The following TOPAZ1 variants were observed in gnomAD, a reference collection of about 807,000 sequenced individuals.
The protein encoded by TOPAZ1 is testis and ovary specific TOPAZ 1.
TOPAZ1 carries 66 observed loss-of-function variants against 172.2 expected under a neutral mutation model. That is an observed-to-expected ratio of 0.38 (90% CI 0.31 to 0.47). TOPAZ1 has a LOEUF of 0.47. Among genes scored for constraint, TOPAZ1 ranks in the 20% least tolerant of loss-of-function variants. The probability of loss-of-function intolerance (pLI) is 0.99; values close to 1 mark genes in which losing one functional copy is unlikely to be tolerated. For synonymous variants in TOPAZ1, 681 were observed against 683.9 expected (o/e 1.00, Z 0.07); for missense variants, 1,822 against 1,972.4 (o/e 0.92, Z 1.44).
chr3:44,332,015 A>G lies in TOPAZ1; in HGVS notation c.*4A>G. 1 of 1,505,770 alleles carries G rather than the reference A, an allele frequency of 6.6e-7. No homozygotes were observed. Among genetic ancestry groups the G allele is most frequent in the Non-Finnish European group, 8.9e-7 (1 of 1,129,406 alleles). 93.3% of individuals were successfully genotyped at this position (1,505,770 alleles called of 1,614,324 possible). A position where few individuals can be genotyped will look rare whatever the true frequency, so the allele number is the denominator to read the frequency against. On this transcript the variant is annotated 3_prime_UTR_variant, in exon 20 of 20. Transcript: ENST00000309765. ...TTGGCTTTTCAGTAACCATTAGCTA[A>G]TAAAGTCTGCTTTTTTTTTTTTTTT...
In TOPAZ1 at chr3:44,268,363, A is replaced by ATTTTTTTTT. The variant is rs1293339613; in HGVS notation, c.3161-851_3161-850insTTTTTTTTT. Among the ~76,000 whole-genome samples the ATTTTTTTTT allele has an allele frequency of 4.4e-5, 4 of 91,758 alleles. 1 individual carries two copies. The highest frequency in any genetic ancestry group is 4.4e-5 in the Non-Finnish European group (2 of 45,472). The allele number at this position is 91,758 out of a possible 152,430, so 60.2% of individuals were successfully genotyped here. A position where few individuals can be genotyped will look rare whatever the true frequency, so the allele number is the denominator to read the frequency against. ...AAAGAGTGTAAGCTCTGTGGTGCCTATTCTTTTTTTTTTTTTTTTTTTTTT... is the reference window on the plus strand; with the variant it reads ...AAAGAGTGTAAGCTCTGTGGTGCCTATTTTTTTTTTTCTTTTTTTTTTTTTTTTTTTTTT... On this transcript the variant is annotated intron_variant, in intron 6 of 19. Transcript: ENST00000309765.
At chr3:44,313,236 G>T (rs558739995) in intron 16 of TOPAZ1, among the ~76,000 whole-genome samples, 1 of 152,116 alleles carries the variant, frequency 6.6e-6, no homozygotes, top group Non-Finnish European at 1.5e-5. Flanking sequence ...GTGTTAAAGG[G>T]TAAAGGCATT....
rs113846046 is a variant in TOPAZ1 at position 44,286,163 on chromosome 3, T to C, written c.3437-1226T>C. Among the ~76,000 whole-genome samples the C allele has an allele frequency of 2.6e-3, 394 of 152,042 alleles. 5 individuals are homozygous for C. Among genetic ancestry groups the C allele is most frequent in the African/African-American group, 9.2e-3 (381 of 41,512 alleles). On this transcript the variant is annotated intron_variant, in intron 9 of 19. Transcript: ENST00000309765. ...CTGGAAGGCAGAGGTTGCAGTGAGC[T>C]GAGATCATGCCACTGCACTCCAGCC...
intron 11 of TOPAZ1, among the ~76,000 whole-genome samples, chr3:44,289,219 C>G (rs1005178149): frequency 6.6e-6 from 1 of 152,090 alleles, no homozygotes; most frequent in African/African-American, 2.4e-5. Flanking sequence ...AAAGTCGTTG[C>G]AAGGTCAGTG....
chr3:44,335,698 T>G (rs1278523383), downstream of TOPAZ1, among the ~76,000 whole-genome samples: 1 of 152,166 alleles, frequency 6.6e-6, no homozygotes, highest in East Asian at 1.9e-4. Flanking sequence ...CTATTCCCTT[T>G]TGTTCATGTA....
At chr3:44,265,109 C>T (rs4515029) in intron 5 of TOPAZ1, among the ~76,000 whole-genome samples, 127,368 of 152,238 alleles carry the variant, frequency 0.84, 53,360 homozygotes, top group Middle Eastern at 0.93. Flanking sequence ...GTGAATTCTT[C>T]CTAGGTTTTC....
At chr3:44,263,864 A>C (rs1016323665) in intron 5 of TOPAZ1, among the ~76,000 whole-genome samples, 41 of 152,216 alleles carry the variant, frequency 2.7e-4, no homozygotes, top group African/African-American at 8.7e-4. Flanking sequence ...AGTAGTGTCC[A>C]AATTAAATTT....
chr3:44,251,650 CTTGG>C (rs1397896873), intron 2 of TOPAZ1, among the ~76,000 whole-genome samples: 1 of 152,178 alleles, frequency 6.6e-6, no homozygotes, highest in Non-Finnish European at 1.5e-5. Context: ...TAAAAAATTT[CTTGG>C]TTGGGACCCA....
In TOPAZ1 at chr3:44,243,850, G is replaced by T; in HGVS notation, c.1344G>T (p.Ser448=). The part of the protein sequence containing the change: ...ESMASKEDFK[S]MKSFIGKSPN... Reference sequence around the variant, plus strand: ...TGGCATCGAAAGAGGATTTTAAATCGATGAAAAGCTTCATAGGGAAATCAC... The same window carrying T: ...TGGCATCGAAAGAGGATTTTAAATCTATGAAAAGCTTCATAGGGAAATCAC... The change falls in exon 2 of 20, where the codon TCG becomes TCT. Residue 448 remains serine (S), a synonymous_variant. Transcript: ENST00000309765. The T allele has an allele frequency of 6.4e-7, 1 of 1,551,748 alleles. No homozygotes were observed. The highest frequency in any genetic ancestry group is 8.7e-7 in the Non-Finnish European group (1 of 1,146,978).
chr3:44,249,551 A>G (rs1241448804), intron 2 of TOPAZ1, among the ~76,000 whole-genome samples: 2 of 152,128 alleles, frequency 1.3e-5, no homozygotes, highest in African/African-American at 4.8e-5. Flanking sequence ...TTCCCATAGC[A>G]CCTTATGCTA....
chr3:44,300,199 G>A lies in TOPAZ1; in HGVS notation c.3798-3816G>A, dbSNP rs191305451. On this transcript the variant is annotated intron_variant, in intron 12 of 19. Transcript: ENST00000309765. ...TGTAATCCCAGCACTTTGGGAGGCCGAGGTGGGCAGATCACTTGAGGTCAG... is the reference window on the plus strand; with the variant it reads ...TGTAATCCCAGCACTTTGGGAGGCCAAGGTGGGCAGATCACTTGAGGTCAG... Among the ~76,000 whole-genome samples, 94 of 152,052 alleles carry A rather than the reference G, an allele frequency of 6.2e-4. No individual in the cohort carries two copies. In the East Asian group the frequency reaches 0.015, roughly 25 times the overall value.
At chr3:44,308,614 C>A (rs1700362287) in intron 15 of TOPAZ1, among the ~76,000 whole-genome samples, 1 of 151,712 alleles carries the variant, frequency 6.6e-6, no homozygotes, top group African/African-American at 2.4e-5. Context: ...TTATAGACTG[C>A]ATCTCAAATT....
At chr3:44,303,978 T>G (rs1259833603) in intron 12 of TOPAZ1, 37 bp from the exon 13 acceptor site, 8 of 1,275,826 alleles carry the variant, frequency 6.3e-6, no homozygotes, top group African/African-American at 1.5e-5. Context: ...TTTTAAGGGG[T>G]GAATATAGTA....
In TOPAZ1 at chr3:44,245,138, A is replaced by G. The variant is rs1699547702; in HGVS notation, c.2632A>G (p.Asn878Asp). ...TGACCCAGACCTCTTTGGAGTCTCC[A>G]ATGAAGGGGAGCTCTCATTTACTTC... ...QDDPDLFGVS[N>D]EGELSFTSEV... The change falls in exon 2 of 20, where the codon AAT (asparagine) becomes GAT (aspartate). Residue 878 changes from asparagine (N) to aspartate (D), a missense_variant. Transcript: ENST00000309765. 6 of 1,552,058 alleles carry G rather than the reference A, an allele frequency of 3.9e-6. No individual in the cohort carries two copies. The highest frequency in any genetic ancestry group is 5.2e-6 in the Non-Finnish European group (6 of 1,147,070).
chr3:44,266,891 A>G lies in TOPAZ1; in HGVS notation c.3021-106A>G, dbSNP rs1035750348. 7 of 880,162 alleles carry G rather than the reference A, an allele frequency of 8.0e-6. No individual in the cohort carries two copies. In the Admixed American group the frequency reaches 2.2e-4, roughly 28 times the overall value. The allele number at this position is 880,162 out of a possible 1,614,324, so 54.5% of individuals were successfully genotyped here. On this transcript the variant is annotated intron_variant, in intron 5 of 19. Transcript: ENST00000309765. ...ACAGTGCTTCAATTTGTAAAAAAAT[A>G]AAAATAAAAAATTTTTTTAAAAAGA...
intron 12 of TOPAZ1, among the ~76,000 whole-genome samples, chr3:44,296,847 C>CAAA (rs141080618): frequency 1.2e-3 from 124 of 104,706 alleles, no homozygotes; most frequent in East Asian, 2.9e-3. Context: ...CAGAGAATAC[C>CAAA]AAAAAAAAAA....
intron 13 of TOPAZ1, 37 bp downstream of exon 13, chr3:44,304,118 CT>C: frequency 1.6e-6 from 2 of 1,225,692 alleles, no homozygotes; most frequent in Non-Finnish European, 2.3e-6. Flanking sequence ...TTGCTGGGAT[CT>C]CTGAAAATCA....
At chr3:44,245,939 T>C (rs1165039716) in intron 2 of TOPAZ1, among the ~76,000 whole-genome samples, 1 of 152,260 alleles carries the variant, frequency 6.6e-6, no homozygotes, top group African/African-American at 2.4e-5. Flanking sequence ...AAACTTTTAC[T>C]TCAGCCAGGT....
At chr3:44,266,851 C>T (rs190990953) in intron 5 of TOPAZ1, 146 bp from the exon 6 acceptor site, 228 of 517,032 alleles carry the variant, frequency 4.4e-4, no homozygotes, top group African/African-American at 3.9e-3. Context: ...TAGACTTGCT[C>T]GACTCAGGGT....
Sources: gnomAD v4.1 joint callset for allele counts (sites outside exome capture counted in the v4.1 genomes callset) on GRCh38, gnomAD v4.1.1 for gene constraint, MANE v1.5 for transcripts, NCBI Gene and HGNC (gene_info 2026-07-23, HGNC 2026-07-21) for gene names.